The following DAB1 variants were observed in gnomAD, a reference collection of about 807,000 sequenced individuals.
DAB1 encodes the protein disabled homolog 1.
A neutral mutation model predicts 64.6 loss-of-function variants in DAB1; 15 were observed. That is an observed-to-expected ratio of 0.23 (90% CI 0.16 to 0.36). DAB1 has a LOEUF of 0.36. Among genes scored for constraint, DAB1 ranks in the 10% least tolerant of loss-of-function variants. The pLI is 1.00. For synonymous variants in DAB1, 235 were observed against 251.9 expected (o/e 0.93, Z 0.64); for missense variants, 596 against 706.7 (o/e 0.84, Z 1.78).
At chr1:58,365,220 A>T (rs910006433) in intron 3 of DAB1, among the ~76,000 whole-genome samples, 5 of 152,192 alleles carry the variant, frequency 3.3e-5, no homozygotes, top group Non-Finnish European at 7.3e-5. Context: ...TGGAGAAAGC[A>T]TTTCTCTAAT....
chr1:58,343,412 G>GA (rs1208042543), intron 3 of DAB1: 2 of 151,944 alleles, frequency 1.3e-5, no homozygotes, highest in Non-Finnish European at 2.9e-5. Context: ...ATCTGAAAGA[G>GA]AAAAAAAAGC....
intron 4 of DAB1, among the ~76,000 whole-genome samples, chr1:58,275,368 A>G (rs1661417955): frequency 6.6e-6 from 1 of 152,218 alleles, no homozygotes; most frequent in South Asian, 2.1e-4. Flanking sequence ...GCACAAAAGG[A>G]CAAAATCAAA....
At chr1:58,102,158 G>A (rs1037448905) in intron 5 of DAB1, among the ~76,000 whole-genome samples, 27 of 152,204 alleles carry the variant, frequency 1.8e-4, no homozygotes, top group African/African-American at 6.5e-4. Context: ...CGATAGTCAG[G>A]TTTGGAGCCT....
At chr1:57,954,174 G>C (rs991696263) in intron 5 of DAB1, among the ~76,000 whole-genome samples, 4 of 152,090 alleles carry the variant, frequency 2.6e-5, no homozygotes, top group Non-Finnish European at 5.9e-5. Flanking sequence ...ATAGGATGTA[G>C]TGTTTATTAC....
At chr1:58,166,743 T>G (rs1282710084) in intron 4 of DAB1, among the ~76,000 whole-genome samples, 1 of 146,398 alleles carries the variant, frequency 6.8e-6, no homozygotes, top group Non-Finnish European at 1.5e-5. Flanking sequence ...GTTGTTTTTG[T>G]TTGTTCGTTT....
intron 6 of DAB1, among the ~76,000 whole-genome samples, chr1:57,782,091 C>A (rs1399223870): frequency 6.6e-6 from 1 of 152,136 alleles, no homozygotes; most frequent in Non-Finnish European, 1.5e-5. Context: ...TAGTTCATAT[C>A]TCCTATAACG....
intron 2 of DAB1, among the ~76,000 whole-genome samples, chr1:57,283,761 T>G (rs1358393553): frequency 1.3e-5 from 2 of 152,204 alleles, no homozygotes; most frequent in Admixed American, 6.5e-5. Context: ...GAACATAAGT[T>G]GTTTGGGATC....
intron 2 of DAB1, among the ~76,000 whole-genome samples, chr1:57,169,662 A>T (rs2100918414): frequency 6.6e-6 from 1 of 152,178 alleles, no homozygotes; most frequent in South Asian, 2.1e-4. Flanking sequence ...CCAATCCTCA[A>T]TATCTGATCA....
At chr1:57,439,519 C>A (rs1179331748) in intron 7 of DAB1, among the ~76,000 whole-genome samples, 1 of 148,306 alleles carries the variant, frequency 6.7e-6, no homozygotes, top group African/African-American at 2.5e-5. Context: ...AGCTCCACCT[C>A]CCGAGTTCAT....
At chr1:58,507,993 T>C (rs943883481) in intron 2 of DAB1, among the ~76,000 whole-genome samples, 1 of 152,192 alleles carries the variant, frequency 6.6e-6, no homozygotes, top group African/African-American at 2.4e-5. Flanking sequence ...ACCAAAGGCA[T>C]ACTTATCTAA....
At chr1:57,190,087 G>A (rs1663988002) in intron 2 of DAB1, among the ~76,000 whole-genome samples, 1 of 152,170 alleles carries the variant, frequency 6.6e-6, no homozygotes, top group South Asian at 2.1e-4. Flanking sequence ...TCAAACCTGA[G>A]TGTGCATTAG....
intron 4 of DAB1, among the ~76,000 whole-genome samples, chr1:58,277,037 C>CTTTTTTTTTTTT (rs869207396): frequency 1.3e-5 from 1 of 79,648 alleles, no homozygotes; most frequent in African/African-American, 5.2e-5. Context: ...CTTTTTTTTT[C>CTTTTTTTTTTTT]TTTTTTTTTT....
rs139737603 is a variant in DAB1 at position 57,660,220 on chromosome 1, C to G, written n.552-10555G>C. Among the ~76,000 whole-genome samples, 5 of 152,168 alleles carry G rather than the reference C, an allele frequency of 3.3e-5. No homozygotes were observed. The East Asian group carries it at 9.7e-4, about 29-fold the overall frequency. On this transcript the variant is annotated intron_variant and non_coding_transcript_variant, in intron 6 of 20. Coordinates refer to the DAB1 transcript ENST00000485760. Reference sequence around the variant, plus strand: ...TGAGTTTGCATTCATGGAGAGCCTCCTATATTCTAAGAACTATGCTAAGGA... The same window carrying G: ...TGAGTTTGCATTCATGGAGAGCCTCGTATATTCTAAGAACTATGCTAAGGA...
intron 2 of DAB1, among the ~76,000 whole-genome samples, chr1:57,211,316 G>C (rs570717867): frequency 6.6e-6 from 1 of 152,312 alleles, no homozygotes; most frequent in African/African-American, 2.4e-5. Flanking sequence ...GGACCATCTT[G>C]AGGGATATGG....
At chr1:58,534,889 T>A (rs964750625) in intron 1 of DAB1, among the ~76,000 whole-genome samples, 2 of 151,996 alleles carry the variant, frequency 1.3e-5, no homozygotes, top group African/African-American at 4.8e-5. Flanking sequence ...TGAGCTGAGA[T>A]CTCGCCACTG....
intron 5 of DAB1, among the ~76,000 whole-genome samples, chr1:58,019,841 C>A (rs1447451695): frequency 6.6e-6 from 1 of 152,146 alleles, no homozygotes. Context: ...AGTGGTTGGA[C>A]TGGGTAACCT....
At chr1:57,829,989 C>A (rs1569800786) in intron 1 of DAB1, among the ~76,000 whole-genome samples, 1 of 152,154 alleles carries the variant, frequency 6.6e-6, no homozygotes, top group African/African-American at 2.4e-5. Flanking sequence ...GGTGCTTGTC[C>A]AATTATATCT....
intron 7 of DAB1, among the ~76,000 whole-genome samples, chr1:57,625,907 G>A (rs773565022): frequency 5.9e-5 from 9 of 152,076 alleles, no homozygotes; most frequent in Middle Eastern, 6.8e-3. Flanking sequence ...CAAAAAAGCT[G>A]GGTCGAACCT....
At chr1:58,468,541 C>T (rs1407174577) in intron 3 of DAB1, 3 of 152,160 alleles carry the variant, frequency 2.0e-5, no homozygotes, top group African/African-American at 7.2e-5. Context: ...AGGAAGTAGA[C>T]ACCAAGATGG....
Sources: gnomAD v4.1 joint callset for allele counts (sites outside exome capture counted in the v4.1 genomes callset) on GRCh38, gnomAD v4.1.1 for gene constraint, MANE v1.5 for transcripts, NCBI Gene and HGNC (gene_info 2026-07-23, HGNC 2026-07-21) for gene names.